Variants in DHX9 observed in about 807,000 individuals in gnomAD.
The protein encoded by DHX9 is DExH-box helicase 9.
DHX9 carries 27 observed loss-of-function variants against 148.7 expected under a neutral mutation model. That is an observed-to-expected ratio of 0.18 (90% CI 0.13 to 0.25). The LOEUF is 0.25. Among genes scored for constraint, DHX9 ranks in the 10% least tolerant of loss-of-function variants. DHX9 has a pLI of 1.00. For missense variants in DHX9, 796 were observed against 1,559.6 expected (o/e 0.51, Z 8.25); for synonymous variants, 529 against 516.6 (o/e 1.02, Z -0.33).
In DHX9 at chr1:182,859,090, G is replaced by T; in HGVS notation, c.1113G>T (p.Gln371His). 1 of 1,614,108 alleles carries T rather than the reference G, an allele frequency of 6.2e-7. No homozygotes were observed. The highest frequency in any genetic ancestry group is 8.5e-7 in the Non-Finnish European group (1 of 1,180,002). The change falls in exon 11 of 28, where the codon CAG (glutamine) becomes CAT (histidine). Residue 371 changes from glutamine to histidine, a missense_variant. Around this residue, in one of 14 missense-constraint regions of DHX9, gnomAD observed 42 missense variants for 27.1 expected, o/e 1.55. Coordinates refer to ENST00000367549, the MANE Select transcript of DHX9 (RefSeq NM_001357.5). ...ACCTCAAGAATGAATTGATGTACCA[G>T]TTGGAACAGGATCATGATTTGCAAG... ...SMDLKNELMY[Q>H]LEQDHDLQAI... is the part of the protein sequence containing the mutation.
In DHX9 at chr1:182,854,205, T is replaced by A. The variant is rs751480714; in HGVS notation, c.626+27T>A. 8 of 1,568,044 alleles carry A rather than the reference T, an allele frequency of 5.1e-6. No homozygotes were observed. The South Asian group carries it at 8.3e-5, about 16-fold the overall frequency. On this transcript the variant is annotated intron_variant, in intron 6 of 27. Transcript: ENST00000367549. ...TTTGCTTGTTTCATTCTTTTCCTTC[T>A]GTAGTAAGTTAAGGTGGTTTTGGAT...
At chr1:182,865,340 TAATTA>T (rs1289990725) in intron 12 of DHX9, among the ~76,000 whole-genome samples, 1 of 152,242 alleles carries the variant, frequency 6.6e-6, no homozygotes, top group Non-Finnish European at 1.5e-5. Flanking sequence ...TTATTCTCAC[TAATTA>T]AATCTCTGGA....
chr1:182,849,764 A>G (rs1316741339), intron 3 of DHX9, among the ~76,000 whole-genome samples: 2 of 152,086 alleles, frequency 1.3e-5, no homozygotes, highest in African/African-American at 2.4e-5. Flanking sequence ...GATCATTTAC[A>G]TATATATTTC....
intron 3 of DHX9, among the ~76,000 whole-genome samples, chr1:182,845,012 C>T (rs973428248): frequency 1.3e-5 from 2 of 152,126 alleles, no homozygotes; most frequent in African/African-American, 4.8e-5. Flanking sequence ...TTGTATTCTG[C>T]CTTGTTTATG....
chr1:182,861,337 C>T (rs1488069810), intron 12 of DHX9, among the ~76,000 whole-genome samples: 1 of 152,094 alleles, frequency 6.6e-6, no homozygotes, highest in Non-Finnish European at 1.5e-5. Flanking sequence ...TCCGACTCAC[C>T]CCTAAAACTG....
intron 14 of DHX9, among the ~76,000 whole-genome samples, chr1:182,868,407 T>C (rs548041145): frequency 4.7e-4 from 72 of 152,264 alleles, no homozygotes; most frequent in Admixed American, 1.6e-3. Flanking sequence ...TTAACTGTTA[T>C]GCTTGAAATG....
At chr1:182,871,875 C>T (rs1013719244) in intron 14 of DHX9, among the ~76,000 whole-genome samples, 8 of 152,062 alleles carry the variant, frequency 5.3e-5, no homozygotes, top group Non-Finnish European at 1.0e-4. Context: ...CAACATGGCT[C>T]GGCTCACTGC....
In DHX9 at chr1:182,843,268, CTT is replaced by C. The variant is rs780523906; in HGVS notation, c.112-25_112-24del. Reference sequence around the variant, plus strand: ...ATCTCAGAATTACCCAGGTCAGTCTCTTAGTACTTTTTTTTTTTTTTAAAGGT... The same window carrying C: ...ATCTCAGAATTACCCAGGTCAGTCTCAGTACTTTTTTTTTTTTTTAAAGGT... On this transcript the variant is annotated intron_variant, in intron 2 of 27. Coordinates refer to ENST00000367549, the MANE Select transcript of DHX9 (RefSeq NM_001357.5). 5.6e-5 allele frequency: 85 copies of C among 1,525,932 alleles called. 1 individual carries two copies. The highest frequency in any genetic ancestry group is 6.4e-5 in the South Asian group (5 of 78,716). The allele number at this position is 1,525,932 out of a possible 1,614,324, so 94.5% of individuals were successfully genotyped here.
intron 27 of DHX9, among the ~76,000 whole-genome samples, chr1:182,885,258 T>A (rs1557981753): frequency 6.6e-6 from 1 of 152,196 alleles, no homozygotes; most frequent in Non-Finnish European, 1.5e-5. Context: ...AAATGAGAAA[T>A]TTATCTTAAT....
rs1649377305 is a variant in DHX9 at position 182,887,296 on chromosome 1, C to T, written c.3675C>T (p.Gly1225=). The change falls in exon 28 of 28, where the codon GGC becomes GGT. Residue 1225 remains glycine, a synonymous_variant. Coordinates refer to ENST00000367549, the MANE Select transcript of DHX9 (RefSeq NM_001357.5). ...GCTATAGAGGAGTTTCCCGAGGTGG[C>T]TTTAGAGGCAACTCTGGAGGAGACT... is the stretch of plus-strand genomic sequence containing the variant. ...GGGYRGVSRG[G]FRGNSGGDYR... is the part of the protein sequence containing the mutation. The T allele has an allele frequency of 1.2e-6, 2 of 1,613,896 alleles. No homozygotes were observed. Among genetic ancestry groups the T allele is most frequent in the African/African-American group, 2.7e-5 (2 of 74,862 alleles).
intron 21 of DHX9, 134 bp from the exon 22 acceptor site, chr1:182,880,363 G>A (rs1012741873): frequency 2.2e-5 from 12 of 541,608 alleles, no homozygotes; most frequent in African/African-American, 3.8e-5. Flanking sequence ...ATTGTTGGCC[G>A]TAGACATGGT....
chr1:182,875,259 C>G, intron 16 of DHX9: 3 of 455,984 alleles, frequency 6.6e-6, no homozygotes, highest in South Asian at 3.1e-5. Flanking sequence ...TTTTGCTACT[C>G]AAAGTTTTTC....
intron 2 of DHX9, 78 bp from the exon 3 acceptor site, chr1:182,843,216 T>G (rs189422709): frequency 8.6e-7 from 1 of 1,156,622 alleles, no homozygotes; most frequent in African/African-American, 1.6e-5. Context: ...TGTCTCTTAA[T>G]GGACTACTGA....
At chr1:182,859,169 G>A (rs771154094) in intron 11 of DHX9, 52 bp downstream of exon 11, 5 of 1,538,792 alleles carry the variant, frequency 3.2e-6, no homozygotes, top group Admixed American at 3.4e-5. Flanking sequence ...GAATGTTCTA[G>A]GTATGGGTAA....
chr1:182,860,987 G>A (rs1386277452), intron 12 of DHX9, among the ~76,000 whole-genome samples: 1 of 152,180 alleles, frequency 6.6e-6, no homozygotes, highest in Non-Finnish European at 1.5e-5. Flanking sequence ...GGTTAATGTT[G>A]CTTAACCTGG....
At chr1:182,880,831 T>G (rs1447890070) in intron 22 of DHX9, among the ~76,000 whole-genome samples, 1 of 152,094 alleles carries the variant, frequency 6.6e-6, no homozygotes. Flanking sequence ...CACTGATTTC[T>G]CAAAAGTTAA....
chr1:182,855,727 A>G, intron 6 of DHX9: 1 of 985,410 alleles, frequency 1.0e-6, no homozygotes, highest in Non-Finnish European at 1.2e-6. Flanking sequence ...AGTTCACACG[A>G]GGTATAGGAA....
chr1:182,859,879 C>T, intron 11 of DHX9, 114 bp from the exon 12 acceptor site: 1 of 966,002 alleles, frequency 1.0e-6, no homozygotes, highest in Non-Finnish European at 1.5e-6. Context: ...GCTGGGATTA[C>T]AGGCGTGAGC....
chr1:182,881,995 T>G (rs1649105458), intron 24 of DHX9, among the ~76,000 whole-genome samples: 1 of 152,246 alleles, frequency 6.6e-6, no homozygotes, highest in Admixed American at 6.5e-5. Flanking sequence ...TGAGCTGTAG[T>G]ACTTTTCTTT....
Sources: gnomAD v4.1 joint callset for allele counts (sites outside exome capture counted in the v4.1 genomes callset) on GRCh38, gnomAD v4.1.1 for gene constraint, gnomAD v4.1.1 regional missense constraint, MANE v1.5 for transcripts, NCBI Gene and HGNC (gene_info 2026-07-23, HGNC 2026-07-21) for gene names.